MTHFD1L: variants seen among roughly 807,000 people sequenced by gnomAD.
MTHFD1L encodes methylenetetrahydrofolate dehydrogenase (NADP+ dependent) 1 like, also known as monofunctional C1-tetrahydrofolate synthase, mitochondrial.
Under a neutral mutation model 119.5 loss-of-function variants are expected in MTHFD1L, and 81 were observed. The observed-to-expected ratio is 0.68, with a 90% CI of 0.57 to 0.82. The LOEUF is 0.82. Among genes scored for constraint, MTHFD1L ranks in the 40% least tolerant of loss-of-function variants. The pLI, the probability that MTHFD1L is intolerant of heterozygous loss-of-function variation, is 0.00. For synonymous variants in MTHFD1L, 430 were observed against 475.2 expected (o/e 0.90, Z 1.24); for missense variants, 1,125 against 1,253.4 (o/e 0.90, Z 1.55).
At chr6:150,917,259 C>T (rs556733654) in intron 8 of MTHFD1L, among the ~76,000 whole-genome samples, 14 of 152,096 alleles carry the variant, frequency 9.2e-5, no homozygotes, top group South Asian at 4.2e-4. Flanking sequence ...CATGGTGGCT[C>T]GCACCTATAA....
intron 24 of MTHFD1L, among the ~76,000 whole-genome samples, chr6:151,015,954 G>A (rs1782988690): frequency 6.6e-6 from 1 of 152,150 alleles, no homozygotes; most frequent in South Asian, 2.1e-4. Context: ...GGGCATGGTG[G>A]CGTGCACCTA....
Position 150,945,479 on chromosome 6 carries a change from C to A in MTHFD1L, c.1561C>A (p.Arg521=), listed in dbSNP as rs745485573. 1 of 1,613,540 alleles carries A rather than the reference C, an allele frequency of 6.2e-7. No individual in the cohort carries two copies. The highest frequency in any genetic ancestry group is 1.1e-5 in the South Asian group (1 of 90,894). Residue 521 remains arginine, a synonymous_variant, in exon 15 of 28, where the codon CGG becomes AGG. Transcript: ENST00000367321. ...TTTGTGTTTTTAGGCTCTGTATAATCGGCTGGTTCCTTTAGTGAATGGTGT... is the reference window on the plus strand; with the variant it reads ...TTTGTGTTTTTAGGCTCTGTATAATAGGCTGGTTCCTTTAGTGAATGGTGT... ...NTQTDKALYN[R]LVPLVNGVRE...
At chr6:150,893,866 G>A (rs1354896471) in intron 7 of MTHFD1L, among the ~76,000 whole-genome samples, 2 of 152,234 alleles carry the variant, frequency 1.3e-5, no homozygotes, top group Admixed American at 6.5e-5. Context: ...AGCCTTAGCT[G>A]TTGCTGCTCT....
At chr6:151,094,763 C>T (rs954215817) in intron 27 of MTHFD1L, among the ~76,000 whole-genome samples, 6 of 152,054 alleles carry the variant, frequency 3.9e-5, no homozygotes, top group South Asian at 2.1e-4. Context: ...AGGCTGGTCT[C>T]GAACTCCTGA....
rs192135945 is a variant in MTHFD1L, at chr6:150,950,820, C to T, written c.1726+1687C>T. Among the ~76,000 whole-genome samples the T allele has an allele frequency of 2.6e-5, 4 of 152,212 alleles. No individual in the cohort carries two copies. The East Asian group carries it at 7.7e-4, about 29-fold the overall frequency. The stretch of plus-strand genomic sequence containing the variant: ...GAGTAGCTGGGATTACAGGCACACA[C>T]CACCACACGTGGCTAATTTTTGTAT... On this transcript the variant is annotated intron_variant, in intron 16 of 27. Coordinates refer to ENST00000367321, the MANE Select transcript of MTHFD1L (RefSeq NM_015440.5).
chr6:150,941,651 G>T (rs1352525788), intron 13 of MTHFD1L, among the ~76,000 whole-genome samples: 2 of 152,118 alleles, frequency 1.3e-5, no homozygotes, highest in Non-Finnish European at 2.9e-5. Context: ...GAAAAGAGGA[G>T]GATTCAAGGA....
At chr6:151,072,512 A>G (rs556289991) in intron 26 of MTHFD1L, among the ~76,000 whole-genome samples, 2 of 152,010 alleles carry the variant, frequency 1.3e-5, no homozygotes, top group East Asian at 3.9e-4. Context: ...CAATATGGCC[A>G]GGTGTGGTGG....
intron 21 of MTHFD1L, among the ~76,000 whole-genome samples, chr6:151,012,046 A>C (rs941837726): frequency 6.2e-5 from 9 of 145,396 alleles, no homozygotes; most frequent in African/African-American, 1.0e-4. Flanking sequence ...AAAAAAAAAA[A>C]AAAAACCAGC....
intron 25 of MTHFD1L, among the ~76,000 whole-genome samples, chr6:151,036,191 G>C (rs911551578): frequency 1.3e-5 from 2 of 152,200 alleles, no homozygotes; most frequent in Admixed American, 1.3e-4. Flanking sequence ...TCAAGGCAGA[G>C]GATCAGTTGA....
At chr6:150,983,945 A>G (rs1052234847) in intron 20 of MTHFD1L, among the ~76,000 whole-genome samples, 3 of 151,746 alleles carry the variant, frequency 2.0e-5, no homozygotes, top group Admixed American at 6.6e-5. Flanking sequence ...CAATTGTTCA[A>G]TTTTTTTCTG....
intron 5 of MTHFD1L, among the ~76,000 whole-genome samples, chr6:150,883,641 G>C (rs1781731173): frequency 6.6e-6 from 1 of 152,170 alleles, no homozygotes; most frequent in Non-Finnish European, 1.5e-5. Context: ...TTTGAAATTT[G>C]GAGGGGAACA....
intron 26 of MTHFD1L, among the ~76,000 whole-genome samples, chr6:151,067,379 A>C (rs1791434640): frequency 1.3e-5 from 2 of 152,132 alleles, no homozygotes; most frequent in Admixed American, 1.3e-4. Flanking sequence ...GCTGGTGTAC[A>C]GTGGTGCAAT....
chr6:150,897,081 C>T (rs1206214023), intron 7 of MTHFD1L, among the ~76,000 whole-genome samples: 3 of 152,088 alleles, frequency 2.0e-5, no homozygotes, highest in East Asian at 3.8e-4. Context: ...CGCGCCACTG[C>T]ACTCCAGCCT....
chr6:150,902,291 C>T (rs1383197151), intron 7 of MTHFD1L, among the ~76,000 whole-genome samples: 5 of 152,150 alleles, frequency 3.3e-5, no homozygotes, highest in African/African-American at 1.2e-4. Context: ...TGCACCCCCA[C>T]ACGCTCCCTG....
In MTHFD1L at chr6:151,067,350, G is replaced by T. The variant is rs1488364357; in HGVS notation, c.2848-25117G>T. On this transcript the variant is annotated intron_variant, in intron 26 of 27. Coordinates refer to ENST00000367321, the MANE Select transcript of MTHFD1L (RefSeq NM_015440.5). The stretch of plus-strand genomic sequence containing the variant: ...TTATTTATTTATTTATTGAGACAGA[G>T]TCTGGCTCTGTCACCCAGGCTGGTG... Among the ~76,000 whole-genome samples the T allele has an allele frequency of 1.4e-4, 22 of 152,054 alleles. 1 individual carries two copies. Among genetic ancestry groups the T allele is most frequent in the Admixed American group, 1.1e-3 (17 of 15,268 alleles).
At chr6:151,068,219 C>T (rs889061512) in intron 26 of MTHFD1L, among the ~76,000 whole-genome samples, 1 of 152,216 alleles carries the variant, frequency 6.6e-6, no homozygotes, top group African/African-American at 2.4e-5. Flanking sequence ...TTCTGCTGGT[C>T]CTATCTGTAG....
chr6:150,976,404 C>T (rs1776575651), intron 20 of MTHFD1L, among the ~76,000 whole-genome samples: 1 of 152,174 alleles, frequency 6.6e-6, no homozygotes, highest in Non-Finnish European at 1.5e-5. Context: ...CAGCCAGCAC[C>T]ATCCTTTGGC....
chr6:151,089,785 G>T (rs1417552343), intron 26 of MTHFD1L, among the ~76,000 whole-genome samples: 1 of 152,188 alleles, frequency 6.6e-6, no homozygotes, highest in Non-Finnish European at 1.5e-5. Flanking sequence ...TTTTCTTTCT[G>T]GGGTCTCCCC....
chr6:150,898,278 T>C (rs803420), intron 7 of MTHFD1L, among the ~76,000 whole-genome samples: 105,831 of 152,140 alleles, frequency 0.7, 37,979 homozygotes, highest in African/African-American at 0.86. Context: ...GCAAACTGGA[T>C]GTTATACTCA....
Sources: allele counts gnomAD v4.1 joint callset (sites outside exome capture counted in the v4.1 genomes callset), GRCh38; gene constraint gnomAD v4.1.1; transcripts MANE v1.5; gene names NCBI Gene and HGNC (gene_info 2026-07-23, HGNC 2026-07-21).